KLHL1: variants seen among roughly 807,000 people sequenced by gnomAD.
KLHL1 encodes the protein kelch-like protein 1.
In KLHL1, 47 loss-of-function variants were observed where a neutral mutation model predicts 77.7. That is an observed-to-expected ratio of 0.60 (90% CI 0.48 to 0.77). The LOEUF (loss-of-function observed/expected upper bound fraction) is 0.77, where lower values mean the gene tolerates loss of function less well. Among genes scored for constraint, KLHL1 ranks in the 30% least tolerant of loss-of-function variants. The pLI is 0.00. For missense variants in KLHL1, 925 were observed against 910.8 expected, an observed-to-expected ratio of 1.02 and a Z score of -0.20; for synonymous variants, 360 against 325.2, an observed-to-expected ratio of 1.11 and a Z score of -1.15.
chr13:70,022,518 C>A (rs529594414), intron 1 of KLHL1, among the ~76,000 whole-genome samples: 1 of 151,544 alleles, frequency 6.6e-6, no homozygotes, highest in South Asian at 2.1e-4. Context: ...ATACTTAATA[C>A]AATATGGTGA....
intron 7 of KLHL1, among the ~76,000 whole-genome samples, chr13:69,788,419 C>CCAAA (rs1218657718): frequency 6.6e-6 from 1 of 152,012 alleles, no homozygotes. Flanking sequence ...GGACAAAAAA[C>CCAAA]CAAACACCAC....
chr13:70,071,736 T>C (rs1887142397), intron 1 of KLHL1, among the ~76,000 whole-genome samples: 1 of 151,816 alleles, frequency 6.6e-6, no homozygotes, highest in Non-Finnish European at 1.5e-5. Context: ...AACATATAGA[T>C]CAATAAGAAA....
intron 8 of KLHL1, among the ~76,000 whole-genome samples, chr13:69,729,062 G>C (rs900562855): frequency 6.6e-6 from 1 of 152,074 alleles, no homozygotes; most frequent in Admixed American, 6.6e-5. Context: ...AAAGAACCAA[G>C]CCAAGACAGC....
chr13:69,869,768 T>C (rs1192297902), intron 5 of KLHL1, among the ~76,000 whole-genome samples: 1 of 152,208 alleles, frequency 6.6e-6, no homozygotes, highest in African/African-American at 2.4e-5. Context: ...TTTAACCTAC[T>C]TGTGGTCCCA....
intron 5 of KLHL1, among the ~76,000 whole-genome samples, chr13:69,865,637 G>C (rs1880341083): frequency 6.6e-6 from 1 of 152,004 alleles, no homozygotes. Flanking sequence ...TAATCTAAAG[G>C]CAATAATATC....
At chr13:69,863,856 A>C (rs145494192) in intron 5 of KLHL1, among the ~76,000 whole-genome samples, 18 of 152,218 alleles carry the variant, frequency 1.2e-4, no homozygotes, top group Admixed American at 1.2e-3. Flanking sequence ...CTAATATTTT[A>C]ATAATTTATT....
At chr13:69,715,068 C>T (rs950900533) in intron 9 of KLHL1, among the ~76,000 whole-genome samples, 2 of 152,146 alleles carry the variant, frequency 1.3e-5, no homozygotes, top group Admixed American at 1.3e-4. Context: ...CTCTGTCGCT[C>T]CTCATAAGCC....
intron 4 of KLHL1, among the ~76,000 whole-genome samples, chr13:69,903,572 T>G (rs977667059): frequency 9.4e-5 from 14 of 149,336 alleles, no homozygotes; most frequent in Non-Finnish European, 1.2e-4. Context: ...TGCAAACTGC[T>G]CACTGGAATA....
intron 1 of KLHL1, among the ~76,000 whole-genome samples, chr13:70,035,914 A>G (rs1023911636): frequency 3.9e-5 from 6 of 152,116 alleles, no homozygotes; most frequent in South Asian, 2.1e-4. Context: ...AAAAAGCACA[A>G]TTGGTGAAGG....
chr13:70,081,627 G>C (rs1039671875), intron 1 of KLHL1, among the ~76,000 whole-genome samples: 2 of 152,144 alleles, frequency 1.3e-5, no homozygotes, highest in Non-Finnish European at 2.9e-5. Context: ...CAAATGGAGA[G>C]AGACACTCTC....
intron 8 of KLHL1, among the ~76,000 whole-genome samples, chr13:69,739,220 C>T (rs1425052381): frequency 6.6e-6 from 1 of 152,160 alleles, no homozygotes; most frequent in Non-Finnish European, 1.5e-5. Context: ...TTTGTCACCA[C>T]TAAGCCTGCT....
intron 6 of KLHL1, among the ~76,000 whole-genome samples, chr13:69,827,082 C>T (rs565855946): frequency 7.7e-4 from 114 of 148,636 alleles, no homozygotes; most frequent in African/African-American, 9.2e-4. Flanking sequence ...TAATATGTTA[C>T]GTTAGATTTT....
At chr13:69,887,723 T>A (rs1881270879) in intron 4 of KLHL1, among the ~76,000 whole-genome samples, 1 of 152,172 alleles carries the variant, frequency 6.6e-6, no homozygotes, top group African/African-American at 2.4e-5. Flanking sequence ...CAGGATGGCC[T>A]TTACTGTCAT....
intron 7 of KLHL1, among the ~76,000 whole-genome samples, chr13:69,779,470 C>T (rs1289882787): frequency 7.0e-6 from 1 of 142,862 alleles, no homozygotes; most frequent in African/African-American, 2.6e-5. Flanking sequence ...TGTTGTTTTC[C>T]TTTTACTGTT....
intron 1 of KLHL1, among the ~76,000 whole-genome samples, chr13:70,045,946 C>A (rs946484734): frequency 9.9e-5 from 15 of 152,260 alleles, no homozygotes; most frequent in Non-Finnish European, 1.8e-4. Context: ...TAAAGGTTTC[C>A]TTTGTAATCA....
At chr13:69,723,065 G>A (rs1046847121) in intron 8 of KLHL1, among the ~76,000 whole-genome samples, 1 of 151,940 alleles carries the variant, frequency 6.6e-6, no homozygotes, top group African/African-American at 2.4e-5. Context: ...AGCAAAATAA[G>A]CCAGGCACAG....
intron 1 of KLHL1, among the ~76,000 whole-genome samples, chr13:70,063,483 C>A (rs1006392475): frequency 2.0e-5 from 3 of 152,030 alleles, no homozygotes. Context: ...GTTAATTTCA[C>A]TCATACTCTA....
chr13:69,955,634 C>T (rs1439159773), intron 3 of KLHL1, among the ~76,000 whole-genome samples: 1 of 150,974 alleles, frequency 6.6e-6, no homozygotes, highest in Non-Finnish European at 1.5e-5. Flanking sequence ...ATAGTAGAGA[C>T]TATGTAAGAG....
Position 69,740,454 on chromosome 13 carries a change from G to C in KLHL1, c.1742C>G (p.Thr581Arg), listed in dbSNP as rs765392850. 21 of 1,612,836 alleles carry C rather than the reference G, an allele frequency of 1.3e-5. No homozygotes were observed. The highest frequency in any genetic ancestry group is 1.6e-5 in the Non-Finnish European group (19 of 1,179,160). The change falls in exon 8 of 11, where the codon ACA becomes AGA. Residue 581 changes from threonine (T) to arginine (R), a missense_variant. Physicochemically the swap from Thr to Arg is moderately conservative, Grantham distance 71. Transcript: ENST00000377844. The part of the protein sequence containing the change: ...ERWDPQSQQW[T>R]FVASMSIARS... Reference sequence around the variant, plus strand: ...AGCAATTGACATACTGGCTACAAATGTCCATTGTTGACTCTGTGGATCCCA... The same window carrying C: ...AGCAATTGACATACTGGCTACAAATCTCCATTGTTGACTCTGTGGATCCCA...
Sources: gnomAD v4.1 joint callset for allele counts (sites outside exome capture counted in the v4.1 genomes callset) on GRCh38, gnomAD v4.1.1 for gene constraint, MANE v1.5 for transcripts, NCBI Gene and HGNC (gene_info 2026-07-23, HGNC 2026-07-21) for gene names.